The following PGLS variants were observed in gnomAD, a reference collection of about 807,000 sequenced individuals.
The protein encoded by PGLS is 6-phosphogluconolactonase, also known as epididymis secretory protein Li 304.
A neutral mutation model predicts 23.2 loss-of-function variants in PGLS; 21 were observed. The observed-to-expected ratio is 0.91, with a 90% CI of 0.64 to 1.31. The LOEUF (loss-of-function observed/expected upper bound fraction) is 1.31. PGLS is among the 50% of genes most tolerant of loss of function. PGLS has a pLI of 0.00. For synonymous variants in PGLS, 179 were observed against 165.4 expected (o/e 1.08, Z -0.63); for missense variants, 410 against 354.0 (o/e 1.16, Z -1.27).
intron 4 of PGLS, 55 bp from the exon 5 acceptor site, chr19:17,520,889 G>T: frequency 1.3e-6 from 2 of 1,491,422 alleles, no homozygotes; most frequent in Non-Finnish European, 1.8e-6. Context: ...GGAGAGTGCC[G>T]AGGGGCGGTG....
Position 17,521,096 on chromosome 19 carries a change from G to A in PGLS, c.*15G>A, listed in dbSNP as rs371016308. The A allele has an allele frequency of 3.8e-6, 6 of 1,580,486 alleles. No individual in the cohort carries two copies. Among genetic ancestry groups the A allele is most frequent in the African/African-American group, 1.4e-5 (1 of 73,600 alleles). ...CCACTTTGTAGCTGGCCAGAGGGAC[G>A]CCGCAGCTGGGACCAGGCACGCGGC... On this transcript the variant is annotated 3_prime_UTR_variant, in exon 5 of 5. Coordinates refer to ENST00000252603, the MANE Select transcript of PGLS (RefSeq NM_012088.3).
intron 1 of PGLS, chr19:17,512,228 T>A (rs1218109095): frequency 6.4e-6 from 3 of 467,416 alleles, no homozygotes; most frequent in Non-Finnish European, 1.1e-5. Context: ...GCCGAGATGG[T>A]CACGCCCACT....
At chr19:17,519,861 C>T (rs148660097) in intron 4 of PGLS, among the ~76,000 whole-genome samples, 4 of 152,086 alleles carry the variant, frequency 2.6e-5, no homozygotes, top group African/African-American at 4.8e-5. Flanking sequence ...GGGTGCCAAC[C>T]GCAGTATTAA....
intron 1 of PGLS, chr19:17,512,352 C>G (rs1171119061): frequency 4.1e-6 from 1 of 241,734 alleles, no homozygotes; most frequent in Non-Finnish European, 8.2e-6. Context: ...CTGCCTTTAT[C>G]TAGGCAGGGC....
chr19:17,512,167 G>A, intron 1 of PGLS: 1 of 553,940 alleles, frequency 1.8e-6, no homozygotes, highest in Non-Finnish European at 3.0e-6. Context: ...GTCATGCCAA[G>A]AGGGCCGCGC....
In PGLS at chr19:17,511,949, G is replaced by C. The variant is rs866597976; in HGVS notation, c.277G>C (p.Gly93Arg). Residue 93 changes from glycine to arginine, a missense_variant, in exon 1 of 5, where the codon GGC (glycine) becomes CGC (arginine). Coordinates refer to ENST00000252603, the MANE Select transcript of PGLS (RefSeq NM_012088.3). ...CTTCGATCACGCCGAGAGCACGTAC[G>C]GCCTCTACCGGGTGAGAGCTACGGG... ...VPFDHAESTY[G>R]LYRTHLLSRL... is the part of the protein sequence containing the mutation. 1.3e-6 allele frequency: 2 copies of C among 1,549,408 alleles called. No individual in the cohort carries two copies. Among genetic ancestry groups the C allele is most frequent in the Non-Finnish European group, 1.7e-6 (2 of 1,149,332 alleles).
chr19:17,514,566 A>G (rs2075524379), intron 1 of PGLS, among the ~76,000 whole-genome samples: 1 of 151,238 alleles, frequency 6.6e-6, no homozygotes, highest in Admixed American at 6.6e-5. Context: ...ATCGTGGCTT[A>G]CTGCAGCCTT....
chr19:17,513,023 C>T (rs1415163983), intron 1 of PGLS: 1 of 152,188 alleles, frequency 6.6e-6, no homozygotes, highest in African/African-American at 2.4e-5. Context: ...AGGGTGTGAT[C>T]CTGCCTCATC....
At position 17,521,035 on chromosome 19, in the gene PGLS, C is replaced by A; in HGVS notation, c.731C>A (p.Ala244Asp). ...CTGTGCTGGTTCTTGGACGAGGCGG[C>A]CGCCCGCCTCCTGACCGTGCCCTTC... Reference protein sequence around the residue: ...GKLCWFLDEAAARLLTVPFEK... With the variant: ...GKLCWFLDEADARLLTVPFEK... Residue 244 changes from alanine (A) to aspartate (D), a missense_variant, in exon 5 of 5, where the codon GCC (alanine) becomes GAC (aspartate). Transcript: ENST00000252603. 1 of 1,600,616 alleles carries A rather than the reference C, an allele frequency of 6.2e-7. No individual in the cohort carries two copies. The highest frequency in any genetic ancestry group is 8.5e-7 in the Non-Finnish European group (1 of 1,172,888).
chr19:17,515,356 C>T (rs952464215), intron 1 of PGLS, among the ~76,000 whole-genome samples: 1 of 152,168 alleles, frequency 6.6e-6, no homozygotes, highest in African/African-American at 2.4e-5. Flanking sequence ...AGACTCTGCA[C>T]AAACACGAGG....
chr19:17,519,100 G>T (rs916849763), intron 4 of PGLS, among the ~76,000 whole-genome samples: 3 of 151,734 alleles, frequency 2.0e-5, no homozygotes, highest in Non-Finnish European at 4.4e-5. Context: ...GATCACCTGA[G>T]GTCAGGAGTT....
At chr19:17,517,529 T>C (rs2075538901) in intron 3 of PGLS, 140 bp downstream of exon 3, 1 of 934,244 alleles carries the variant, frequency 1.1e-6, no homozygotes, top group Non-Finnish European at 1.6e-6. Context: ...ACCTGCCTGC[T>C]GGGCTCAATC....
chr19:17,512,285 C>T, intron 1 of PGLS: 1 of 387,176 alleles, frequency 2.6e-6, no homozygotes, highest in Non-Finnish European at 4.7e-6. Flanking sequence ...GCCGACAGGG[C>T]TCGCCCGCCT....
intron 3 of PGLS, 144 bp downstream of exon 3, chr19:17,517,533 C>A: frequency 1.1e-6 from 1 of 938,486 alleles, no homozygotes; most frequent in Non-Finnish European, 1.6e-6. Context: ...GCCTGCTGGG[C>A]TCAATCCTTT....
intron 4 of PGLS, among the ~76,000 whole-genome samples, chr19:17,519,433 C>T (rs973259993): frequency 6.6e-6 from 1 of 151,914 alleles, no homozygotes; most frequent in African/African-American, 2.4e-5. Flanking sequence ...AGCTTCTCAC[C>T]CTGTCATCCA....
chr19:17,511,981 C>G (rs1192750096), intron 1 of PGLS, 21 bp downstream of exon 1: 17 of 1,526,870 alleles, frequency 1.1e-5, no homozygotes, highest in Non-Finnish European at 1.5e-5. Flanking sequence ...CGGGGGCCGC[C>G]GGGGATCACG....
chr19:17,517,149 C>T, intron 2 of PGLS, 139 bp from the exon 3 acceptor site: 2 of 661,266 alleles, frequency 3.0e-6, no homozygotes, highest in East Asian at 5.4e-5. Context: ...TCCCAAAGTG[C>T]TGGGATTTCA....
intron 2 of PGLS, chr19:17,516,499 T>G (rs1397953128): frequency 7.4e-7 from 1 of 1,357,688 alleles, no homozygotes; most frequent in East Asian, 2.9e-5. Flanking sequence ...TCCTCACATC[T>G]TGGGGAAATA....
At chr19:17,512,872 T>A (rs2075515658) in intron 1 of PGLS, 1 of 152,178 alleles carries the variant, frequency 6.6e-6, no homozygotes, top group African/African-American at 2.4e-5. Flanking sequence ...GAGAAAAGGC[T>A]TACTGAACGC....
Sources: gnomAD v4.1 joint callset for allele counts (sites outside exome capture counted in the v4.1 genomes callset) on GRCh38, gnomAD v4.1.1 for gene constraint, MANE v1.5 for transcripts, NCBI Gene and HGNC (gene_info 2026-07-23, HGNC 2026-07-21) for gene names.